The following PCDHA4 variants were observed in gnomAD, a reference collection of about 807,000 sequenced individuals.
PCDHA4 encodes the protein protocadherin alpha-4.
PCDHA4 carries 49 observed loss-of-function variants against 61.4 expected under a neutral mutation model. The observed-to-expected ratio is 0.80, with a 90% CI of 0.63 to 1.01. The LOEUF is 1.01. PCDHA4 is among the 50% of genes least tolerant of loss of function. PCDHA4 has a pLI of 0.00. For synonymous variants in PCDHA4, 590 were observed against 550.3 expected, an observed-to-expected ratio of 1.07 and a Z score of -1.01; for missense variants, 1,254 against 1,235.8, an observed-to-expected ratio of 1.01 and a Z score of -0.22.
chr5:140,838,779 A>C lies in PCDHA4; in HGVS notation c.2385+29207A>C, dbSNP rs1039097840. Among the ~76,000 whole-genome samples the C allele has an allele frequency of 1.8e-4, 28 of 152,056 alleles. 1 individual carries two copies. The highest frequency in any genetic ancestry group is 1.5e-3 in the Admixed American group (23 of 15,270). ...TTGTAGAGACTTTGTAAAATTAGCT[A>C]TGCATGGTGATGCATGTCTGTAGTT... is the stretch of plus-strand genomic sequence containing the variant. On this transcript the variant is annotated intron_variant, in intron 1 of 3. Coordinates refer to ENST00000530339, the MANE Select transcript of PCDHA4 (RefSeq NM_018907.4).
intron 1 of PCDHA4, among the ~76,000 whole-genome samples, chr5:140,914,261 T>G (rs1294037425): frequency 6.6e-6 from 1 of 152,202 alleles, no homozygotes; most frequent in Non-Finnish European, 1.5e-5. Context: ...GCTTCAATGG[T>G]GGGTGCATAT....
chr5:140,919,097 C>T lies in PCDHA4; in HGVS notation c.2386-59852C>T, dbSNP rs531325561. Among the ~76,000 whole-genome samples the T allele has an allele frequency of 5.3e-5, 8 of 152,242 alleles. No homozygotes were observed. The South Asian group carries it at 1.7e-3, about 32-fold the overall frequency. ...TATGACTATTGAATTGTCTATTTCT[C>T]CCTTCATTTCTGCCAGTTTTTGCTT... On this transcript the variant is annotated intron_variant, in intron 1 of 3. Coordinates refer to ENST00000530339, the MANE Select transcript of PCDHA4 (RefSeq NM_018907.4).
At chr5:140,844,971 G>A (rs2150375443) in intron 1 of PCDHA4, among the ~76,000 whole-genome samples, 3 of 149,220 alleles carry the variant, frequency 2.0e-5, no homozygotes, top group Admixed American at 6.7e-5. Context: ...TTTGTTATTA[G>A]TATTGTTTTA....
In PCDHA4 at chr5:140,879,424, A is replaced by T. The variant is rs181418893; in HGVS notation, c.2385+69852A>T. Reference sequence around the variant, plus strand: ...GTATTTGAGCAGGTAGGGAATGGAGATGAACATTTAAGAAAATGTTACTTT... The same window carrying T: ...GTATTTGAGCAGGTAGGGAATGGAGTTGAACATTTAAGAAAATGTTACTTT... On this transcript the variant is annotated intron_variant, in intron 1 of 3. Coordinates refer to ENST00000530339, the MANE Select transcript of PCDHA4 (RefSeq NM_018907.4). Among the ~76,000 whole-genome samples, 1,178 of 152,344 alleles carry T rather than the reference A, an allele frequency of 7.7e-3. 4 individuals carry two copies. The highest frequency in any genetic ancestry group is 0.013 in the Admixed American group (206 of 15,298).
chr5:140,829,318 G>A, intron 1 of PCDHA4: 3 of 1,614,246 alleles, frequency 1.9e-6, no homozygotes, highest in Non-Finnish European at 2.5e-6. Context: ...CGTTGGTGCT[G>A]GACAGTGCCC....
intron 1 of PCDHA4, chr5:140,850,534 C>A: frequency 6.3e-7 from 1 of 1,598,276 alleles, no homozygotes; most frequent in Non-Finnish European, 8.6e-7. Flanking sequence ...AAGTCATCGT[C>A]GCGGGCGTCA....
Position 140,850,830 on chromosome 5 carries a change from T to C in PCDHA4, c.2385+41258T>C. On this transcript the variant is annotated intron_variant, in intron 1 of 3. Coordinates refer to ENST00000530339, the MANE Select transcript of PCDHA4 (RefSeq NM_018907.4). ...GGCCTTCAGCCCGGGCCTTTCTCCTTGTGCTGGATCTACAGAGCGAACGGG... is the reference window on the plus strand; with the variant it reads ...GGCCTTCAGCCCGGGCCTTTCTCCTCGTGCTGGATCTACAGAGCGAACGGG... 1.9e-6 allele frequency: 3 copies of C among 1,598,162 alleles called. 1 individual carries two copies. The highest frequency in any genetic ancestry group is 2.6e-6 in the Non-Finnish European group (3 of 1,167,540).
chr5:140,840,958 C>A (rs1776953520), intron 1 of PCDHA4, among the ~76,000 whole-genome samples: 1 of 152,042 alleles, frequency 6.6e-6, no homozygotes, highest in Admixed American at 6.5e-5. Context: ...GAAGAAATTC[C>A]TTTCCTTATG....
intron 1 of PCDHA4, among the ~76,000 whole-genome samples, chr5:140,971,436 C>G (rs2153789972): frequency 6.6e-6 from 1 of 152,278 alleles, no homozygotes; most frequent in Non-Finnish European, 1.5e-5. Flanking sequence ...ACCCCAAGAT[C>G]TACAGCTCCA....
At chr5:140,963,146 T>C (rs1230280019) in intron 1 of PCDHA4, among the ~76,000 whole-genome samples, 2 of 152,074 alleles carry the variant, frequency 1.3e-5, no homozygotes, top group African/African-American at 4.8e-5. Flanking sequence ...TTTGGATGAA[T>C]TTAAAAATGA....
rs868962455 is a variant in PCDHA4 at position 140,808,592 on chromosome 5, C to T, written c.1405C>T (p.Pro469Ser). The part of the protein sequence containing the change: ...EYTVFVKENN[P>S]PGCHIFTVSA... ...CACAGTGTTCGTGAAGGAGAACAAC[C>T]CGCCGGGCTGCCACATCTTCACTGT... The change falls in exon 1 of 4, where the codon CCG becomes TCG. Residue 469 changes from proline to serine, a missense_variant. Pro to Ser is a moderately conservative substitution (Grantham distance 74). Coordinates refer to ENST00000530339, the MANE Select transcript of PCDHA4 (RefSeq NM_018907.4). 4 of 1,613,970 alleles carry T rather than the reference C, an allele frequency of 2.5e-6. No individual in the cohort carries two copies. Among genetic ancestry groups the T allele is most frequent in the Non-Finnish European group, 2.5e-6 (3 of 1,179,968 alleles).
At chr5:140,875,608 G>C in intron 1 of PCDHA4, 1 of 1,613,844 alleles carries the variant, frequency 6.2e-7, no homozygotes, top group Non-Finnish European at 8.5e-7. Context: ...CACCTTCGTG[G>C]GCCGCATCGC....
chr5:140,824,615 T>TTTTTTG (rs1554129953), intron 1 of PCDHA4: 19 of 126,072 alleles, frequency 1.5e-4, no homozygotes, highest in African/African-American at 6.6e-4. Context: ...TTAAAGTTTT[T>TTTTTTG]TTTTTTTTTT....
At chr5:140,937,386 G>T (rs1450799946) in intron 1 of PCDHA4, among the ~76,000 whole-genome samples, 2 of 152,092 alleles carry the variant, frequency 1.3e-5, no homozygotes, top group African/African-American at 4.8e-5. Context: ...GTGTGTATGT[G>T]TATATAGGGG....
chr5:140,877,440 G>A (rs372613448), intron 1 of PCDHA4: 9 of 1,613,710 alleles, frequency 5.6e-6, no homozygotes, highest in Non-Finnish European at 5.9e-6. Context: ...ACCACGGTGA[G>A]CCCGCGCTGA....
Position 140,807,473 on chromosome 5 carries a change from T to C in PCDHA4, c.286T>C (p.Cys96Arg). 6.2e-7 allele frequency: 1 copy of C among 1,612,608 alleles called. No individual in the cohort carries two copies. Among genetic ancestry groups the C allele is most frequent in the Non-Finnish European group, 8.5e-7 (1 of 1,179,588 alleles). ...VNSRIDREEL[C>R]RRSAECSIHL... ...TTCTCGGATCGACCGGGAGGAGCTGTGCCGGCGGAGCGCGGAGTGCAGCAT... is the reference window on the plus strand; with the variant it reads ...TTCTCGGATCGACCGGGAGGAGCTGCGCCGGCGGAGCGCGGAGTGCAGCAT... Residue 96 changes from cysteine (C) to arginine (R), a missense_variant, in exon 1 of 4, where the codon TGC (cysteine) becomes CGC (arginine). Cys to Arg is a radical substitution (Grantham distance 180). Coordinates refer to ENST00000530339, the MANE Select transcript of PCDHA4 (RefSeq NM_018907.4).
intron 1 of PCDHA4, among the ~76,000 whole-genome samples, chr5:140,872,175 T>A (rs1402825591): frequency 6.6e-5 from 10 of 152,228 alleles, no homozygotes; most frequent in African/African-American, 2.4e-4. Context: ...CTTTTTTTTT[T>A]TTACAGTGTT....
chr5:140,870,493 AAGG>A, intron 1 of PCDHA4: 1 of 1,614,214 alleles, frequency 6.2e-7, no homozygotes, highest in Non-Finnish European at 8.5e-7. Context: ...CGTGTTCGTG[AAGG>A]AGAACAACCC....
intron 1 of PCDHA4, chr5:140,857,563 C>A (rs782037850): frequency 1.3e-6 from 2 of 1,596,904 alleles, no homozygotes; most frequent in Non-Finnish European, 8.6e-7. Flanking sequence ...CGCTGTCGAG[C>A]TACGTGTCGG....
Sources: allele counts gnomAD v4.1 joint callset (sites outside exome capture counted in the v4.1 genomes callset), GRCh38; gene constraint gnomAD v4.1.1; transcripts MANE v1.5; gene names NCBI Gene and HGNC (gene_info 2026-07-23, HGNC 2026-07-21).